Variants in ARHGEF16 observed in about 807,000 individuals in gnomAD.
ARHGEF16 encodes Rho guanine exchange factor (GEF) 16.
ARHGEF16 carries 59 observed loss-of-function variants against 74.1 expected under a neutral mutation model. The observed-to-expected ratio is 0.80, with a 90% CI of 0.65 to 0.99. ARHGEF16 has a LOEUF of 0.99. Ranked by LOEUF, ARHGEF16 falls within the 50% of genes least tolerant of loss-of-function variation. ARHGEF16 has a pLI of 0.00. For synonymous variants in ARHGEF16, 415 were observed against 412.6 expected, an observed-to-expected ratio of 1.01 and a Z score of -0.07; for missense variants, 948 against 986.6, an observed-to-expected ratio of 0.96 and a Z score of 0.52.
rs925079593 is a variant in ARHGEF16, at chr1:3,479,556, T to C, written c.1854T>C (p.Ser618=). Residue 618 remains serine, a synonymous_variant, in exon 13 of 15, where the codon AGT becomes AGC. Transcript: ENST00000378378. ...GGTGGATCGTGGCGCTCACACACAG[T>C]GAGAGACAGTGGCAGGGCCTCTCCA... ...RARWIVALTH[S]ERQWQGLSSK... is the part of the protein sequence containing the mutation. 6 of 1,612,404 alleles carry C rather than the reference T, an allele frequency of 3.7e-6. No individual in the cohort carries two copies. In the African/African-American group the frequency reaches 6.7e-5, roughly 18 times the overall value.
In ARHGEF16 at chr1:3,466,137, CTT is replaced by C. The variant is rs1035575531; in HGVS notation, c.589-8_589-7del. 6.5e-6 allele frequency: 10 copies of C among 1,548,652 alleles called. No individual in the cohort carries two copies. The Admixed American group carries it at 1.6e-4, about 25-fold the overall frequency. ...TGACAGCTGCGGTTTCTGTGTCTCT[CTT>C]TTGTGCAGAAGACGCTGGGGAGGAA... On this transcript the variant is annotated splice_polypyrimidine_tract_variant and intron_variant, in intron 2 of 14. Coordinates refer to ENST00000378378, the MANE Select transcript of ARHGEF16 (RefSeq NM_014448.4).
At position 3,478,572 on chromosome 1, in the gene ARHGEF16, G is replaced by T; in HGVS notation, c.1774G>T (p.Glu592Ter). ...CCAGGTGACCCTGCTTCGCAACAGC[G>T]AGGGCCGCCAGGAGCAGCTCCTGCT... is the stretch of plus-strand genomic sequence containing the variant. The part of the protein sequence containing the change: ...PFQVTLLRNS[E>*]GRQEQLLLSS... Residue 592 changes from glutamate to a stop codon, truncating the protein, a stop_gained, in exon 12 of 15, where the codon GAG becomes TAG. Transcript: ENST00000378378. LOFTEE classifies it high-confidence loss of function. 6.2e-7 allele frequency: 1 copy of T among 1,612,422 alleles called. No individual in the cohort carries two copies. Among genetic ancestry groups the T allele is most frequent in the Non-Finnish European group, 8.5e-7 (1 of 1,179,766 alleles).
chr1:3,462,815 C>T (rs1423580716), intron 1 of ARHGEF16, among the ~76,000 whole-genome samples: 1 of 152,186 alleles, frequency 6.6e-6, no homozygotes, highest in African/African-American at 2.4e-5. Flanking sequence ...CCTTGGAGCT[C>T]GGAGAACCAG....
rs767405281 is a variant in ARHGEF16 at position 3,468,924 on chromosome 1, GAAAAGGCAGGAGGT to G, written c.856_861+8del. The G allele has an allele frequency of 1.3e-6, 2 of 1,550,272 alleles. No individual in the cohort carries two copies. Among genetic ancestry groups the G allele is most frequent in the Non-Finnish European group, 8.7e-7 (1 of 1,146,864 alleles). ...TGGACCAGCTCTCCACTGAGGAGCGGAAAAGGCAGGAGGTAAAAGGGCCCTGGGCGGGAGGGCTG... is the reference window on the plus strand; with the variant it reads ...TGGACCAGCTCTCCACTGAGGAGCGGAAAAGGGCCCTGGGCGGGAGGGCTG... On this transcript the variant is annotated splice_donor_variant and coding_sequence_variant, in exon 5 of 15. Coordinates refer to ENST00000378378, the MANE Select transcript of ARHGEF16 (RefSeq NM_014448.4). LOFTEE classifies it high-confidence loss of function.
At chr1:3,467,944 A>G (rs372135002) in intron 4 of ARHGEF16, among the ~76,000 whole-genome samples, 4 of 152,070 alleles carry the variant, frequency 2.6e-5, no homozygotes, top group Admixed American at 6.5e-5. Context: ...CTGTGGTACA[A>G]TGGGGCTCCT....
At chr1:3,468,667 G>C (rs1639616677) in intron 4 of ARHGEF16, 2 of 590,998 alleles carry the variant, frequency 3.4e-6, no homozygotes, top group South Asian at 3.9e-5. Context: ...GCTGGGGGGA[G>C]CGGGGGGCTG....
intron 1 of ARHGEF16, among the ~76,000 whole-genome samples, chr1:3,458,516 G>A (rs1639318299): frequency 6.6e-6 from 1 of 152,250 alleles, no homozygotes; most frequent in Non-Finnish European, 1.5e-5. Context: ...CAGCCGGCCT[G>A]CAGGACAGGC....
Position 3,463,409 on chromosome 1 carries a change from G to A in ARHGEF16, c.325G>A (p.Gly109Arg), listed in dbSNP as rs576530769. 1.7e-4 allele frequency: 261 copies of A among 1,550,080 alleles called. 2 individuals carry two copies. Among genetic ancestry groups the A allele is most frequent in the South Asian group, 1.6e-3 (136 of 84,042 alleles). The change falls in exon 2 of 15, where the codon GGG becomes AGG. Residue 109 changes from glycine to arginine, a missense_variant. Coordinates refer to ENST00000378378, the MANE Select transcript of ARHGEF16 (RefSeq NM_014448.4). ...GACCCCAGCCCGCCACCAGAGCTTC[G>A]GGGCGGCTGTACTTAGCAGGGAGGC... is the stretch of plus-strand genomic sequence containing the variant. ...AKTPARHQSF[G>R]AAVLSREAAR...
intron 1 of ARHGEF16, among the ~76,000 whole-genome samples, chr1:3,459,319 A>G (rs1639338890): frequency 6.6e-6 from 1 of 152,204 alleles, no homozygotes; most frequent in African/African-American, 2.4e-5. Context: ...AGAGATCGGG[A>G]CATTGGGGCC....
intron 3 of ARHGEF16, among the ~76,000 whole-genome samples, chr1:3,466,760 AGCTCCAGGCCTGAG>A (rs1449931018): frequency 6.6e-6 from 1 of 152,210 alleles, no homozygotes; most frequent in Non-Finnish European, 1.5e-5. Context: ...TCGAGTGCCC[AGCTCCAGGCCTGAG>A]GCTCCAAGAC....
chr1:3,466,259 CT>C, intron 3 of ARHGEF16, 66 bp downstream of exon 3: 1 of 1,482,420 alleles, frequency 6.7e-7, no homozygotes, highest in Admixed American at 2.5e-5. Context: ...CTGGGGCACC[CT>C]GGGGTTCGGG....
At chr1:3,466,057 CGA>C (rs1233037476) in intron 2 of ARHGEF16, 89 bp from the exon 3 acceptor site, 1 of 1,406,418 alleles carries the variant, frequency 7.1e-7, no homozygotes, top group Non-Finnish European at 9.7e-7. Flanking sequence ...CATGTGGAGC[CGA>C]GAGGTCTCTG....
chr1:3,478,723 A>G, intron 12 of ARHGEF16, 111 bp downstream of exon 12: 1 of 1,240,626 alleles, frequency 8.1e-7, no homozygotes, highest in Non-Finnish European at 1.1e-6. Context: ...CTGAACGCCC[A>G]CCGTGCACCT....
rs1204283971 is a variant in ARHGEF16, at chr1:3,479,766, G to A, written c.1889-46G>A. ...TGGAGGCCGTTGGGGAGTGGAGCCT[G>A]GCCCATGCCTCCCGACAGCCCTGTG... On this transcript the variant is annotated intron_variant, in intron 13 of 14. Coordinates refer to ENST00000378378, the MANE Select transcript of ARHGEF16 (RefSeq NM_014448.4). 6 of 1,594,826 alleles carry A rather than the reference G, an allele frequency of 3.8e-6. No individual in the cohort carries two copies. The Admixed American group carries it at 1.0e-4, about 27-fold the overall frequency.
intron 6 of ARHGEF16, among the ~76,000 whole-genome samples, chr1:3,471,943 C>T (rs543357623): frequency 5.8e-4 from 88 of 152,354 alleles, no homozygotes; most frequent in Admixed American, 1.8e-3. Context: ...GCTGGGTCCT[C>T]GTCCACGGGG....
intron 12 of ARHGEF16, among the ~76,000 whole-genome samples, 175 bp downstream of exon 12, chr1:3,478,787 C>T (rs1488586296): frequency 1.3e-5 from 2 of 152,158 alleles, no homozygotes; most frequent in Non-Finnish European, 2.9e-5. Flanking sequence ...TGGCCTTGTC[C>T]TCATGGAGTT....
At chr1:3,455,126 C>G (rs558911576) in intron 1 of ARHGEF16, among the ~76,000 whole-genome samples, 115 of 152,180 alleles carry the variant, frequency 7.6e-4, no homozygotes, top group Middle Eastern at 3.4e-3. Context: ...GCCGCTTCCT[C>G]TTCCTAAAGG....
intron 1 of ARHGEF16, among the ~76,000 whole-genome samples, chr1:3,460,081 G>A (rs1045808854): frequency 2.6e-5 from 4 of 152,344 alleles, no homozygotes; most frequent in South Asian, 2.1e-4. Flanking sequence ...AGAAGGCAAC[G>A]GGTGCCTGCC....
At chr1:3,467,775 G>C (rs577975905) in intron 4 of ARHGEF16, among the ~76,000 whole-genome samples, 2 of 152,280 alleles carry the variant, frequency 1.3e-5, no homozygotes, top group South Asian at 4.1e-4. Flanking sequence ...GCCCTGCAGG[G>C]GTCTCAGTGG....
Sources: gnomAD v4.1 joint callset for allele counts (sites outside exome capture counted in the v4.1 genomes callset) on GRCh38, gnomAD v4.1.1 for gene constraint, MANE v1.5 for transcripts, NCBI Gene and HGNC (gene_info 2026-07-23, HGNC 2026-07-21) for gene names.